Variants in TMTC4 observed in about 807,000 individuals in gnomAD.
TMTC4 encodes the protein transmembrane O-mannosyltransferase targeting cadherins 4.
Under a neutral mutation model 86.0 loss-of-function variants are expected in TMTC4, and 65 were observed. The ratio of observed to expected loss-of-function variants is 0.76; its 90% CI spans 0.62 to 0.93. The LOEUF (loss-of-function observed/expected upper bound fraction) is 0.93. Ranked by LOEUF, TMTC4 falls within the 40% of genes least tolerant of loss-of-function variation. The probability of loss-of-function intolerance (pLI) is 0.00; values close to 1 mark genes in which losing one functional copy is unlikely to be tolerated. For synonymous variants in TMTC4, 379 were observed against 382.5 expected (o/e 0.99, Z 0.11); for missense variants, 866 against 948.1 (o/e 0.91, Z 1.14).
chr13:100,661,570 CA>C (rs1885779972), intron 5 of TMTC4, among the ~76,000 whole-genome samples: 2 of 152,148 alleles, frequency 1.3e-5, no homozygotes, highest in South Asian at 4.1e-4. Context: ...CAGATCGAAA[CA>C]AAGTCTAATT....
At chr13:100,630,765 G>A (rs1881247940) in intron 12 of TMTC4, among the ~76,000 whole-genome samples, 1 of 152,010 alleles carries the variant, frequency 6.6e-6, no homozygotes, top group Non-Finnish European at 1.5e-5. Context: ...AAAAAGCCCA[G>A]ACAAAGAGTT....
At chr13:100,621,521 G>A (rs1299851847) in intron 15 of TMTC4, among the ~76,000 whole-genome samples, 2 of 152,162 alleles carry the variant, frequency 1.3e-5, no homozygotes, top group African/African-American at 2.4e-5. Flanking sequence ...CGCCTCCCGG[G>A]TTCACGCCAT....
chr13:100,630,884 A>C (rs1030325890), intron 12 of TMTC4, among the ~76,000 whole-genome samples: 1 of 152,244 alleles, frequency 6.6e-6, no homozygotes, highest in African/African-American at 2.4e-5. Context: ...CTAGTTAAAA[A>C]TCTGATACAG....
intron 2 of TMTC4, among the ~76,000 whole-genome samples, chr13:100,669,702 C>CGGTGCCTATGGTG (rs1594388397): frequency 6.6e-6 from 1 of 151,852 alleles, no homozygotes; most frequent in African/African-American, 2.4e-5. Context: ...GCCCAGTGGT[C>CGGTGCCTATGGTG]AGCGGTGCCT....
chr13:100,638,649 G>C (rs574905726), intron 7 of TMTC4: 14 of 152,366 alleles, frequency 9.2e-5, no homozygotes, highest in African/African-American at 3.4e-4. Flanking sequence ...CTGAGTTCTA[G>C]CCTTATGGAA....
chr13:100,660,429 T>C (rs533383336), intron 5 of TMTC4, among the ~76,000 whole-genome samples: 1 of 152,130 alleles, frequency 6.6e-6, no homozygotes, highest in South Asian at 2.1e-4. Context: ...AAATGTACAC[T>C]GAGACAAATG....
chr13:100,606,839 C>T (rs1876699515), intron 17 of TMTC4, among the ~76,000 whole-genome samples: 2 of 152,176 alleles, frequency 1.3e-5, no homozygotes, highest in African/African-American at 2.4e-5. Context: ...TTTCCTCTCC[C>T]CCAAGAACCT....
chr13:100,611,137 A>G (rs1394659798), intron 17 of TMTC4, among the ~76,000 whole-genome samples: 2 of 152,234 alleles, frequency 1.3e-5, no homozygotes, highest in Non-Finnish European at 2.9e-5. Context: ...CACTGGACAG[A>G]TATTAGCTAG....
intron 9 of TMTC4, 101 bp from the exon 10 acceptor site, chr13:100,636,835 C>G: frequency 8.4e-7 from 1 of 1,197,194 alleles, no homozygotes; most frequent in South Asian, 1.4e-5. Flanking sequence ...TGCTTCTGCT[C>G]AATGAAAGCA....
intron 15 of TMTC4, chr13:100,623,820 G>A: frequency 2.3e-6 from 1 of 436,224 alleles, no homozygotes; most frequent in Non-Finnish European, 4.6e-6. Context: ...GCTGGGTCTT[G>A]CCTTTGTGCG....
At chr13:100,618,880 T>C (rs887815394) in intron 15 of TMTC4, among the ~76,000 whole-genome samples, 1 of 152,190 alleles carries the variant, frequency 6.6e-6, no homozygotes, top group Non-Finnish European at 1.5e-5. Context: ...AAGTCTCCCA[T>C]GTCTACTTCT....
At position 100,638,822 on chromosome 13, in the gene TMTC4, G is replaced by A. The variant is rs543269165; in HGVS notation, c.742-800C>T. 1.0e-4 allele frequency: 16 copies of A among 152,472 alleles called. No individual in the cohort carries two copies. The East Asian group carries it at 1.2e-3, about 11-fold the overall frequency. 9.4% of individuals were successfully genotyped at this position (152,472 alleles called of 1,614,324 possible). A position where few individuals can be genotyped will look rare whatever the true frequency, so the allele number is the denominator to read the frequency against. ...GGCCTTTGCCAGGCAGGGCCGTGGTGTGGAGGACGGCCACCTCTATCAATT... is the reference window on the plus strand; with the variant it reads ...GGCCTTTGCCAGGCAGGGCCGTGGTATGGAGGACGGCCACCTCTATCAATT... On this transcript the variant is annotated intron_variant, in intron 7 of 18. Transcript: ENST00000342624.
chr13:100,657,018 T>G (rs1840387433), intron 5 of TMTC4, among the ~76,000 whole-genome samples: 1 of 152,194 alleles, frequency 6.6e-6, no homozygotes, highest in Admixed American at 6.5e-5. Context: ...CTGGATTGGT[T>G]TGAACCTGCT....
intron 6 of TMTC4, among the ~76,000 whole-genome samples, chr13:100,649,464 C>T (rs1181440316): frequency 6.6e-6 from 1 of 152,076 alleles, no homozygotes; most frequent in African/African-American, 2.4e-5. Flanking sequence ...TATTTTATTT[C>T]CAAGTGTGAG....
intron 17 of TMTC4, among the ~76,000 whole-genome samples, chr13:100,609,688 C>CACAA (rs1202778846): frequency 2.0e-5 from 3 of 151,868 alleles, no homozygotes; most frequent in Non-Finnish European, 4.4e-5. Flanking sequence ...TATACACACA[C>CACAA]ACACACACAC....
At chr13:100,655,171 G>A (rs1319645510) in intron 6 of TMTC4, among the ~76,000 whole-genome samples, 1 of 151,782 alleles carries the variant, frequency 6.6e-6, no homozygotes, top group African/African-American at 2.4e-5. Flanking sequence ...ACAGGCACAC[G>A]CCACCACACC....
At chr13:100,648,573 GT>G (rs1325394653) in intron 6 of TMTC4, among the ~76,000 whole-genome samples, 2 of 152,148 alleles carry the variant, frequency 1.3e-5, no homozygotes, top group Admixed American at 1.3e-4. Flanking sequence ...ACATTGCTAT[GT>G]TTGTATCCAG....
chr13:100,633,726 A>G (rs1224635292), intron 12 of TMTC4, among the ~76,000 whole-genome samples: 1 of 152,230 alleles, frequency 6.6e-6, no homozygotes, highest in African/African-American at 2.4e-5. Context: ...CACCTAGGCT[A>G]TGTGTGGTCT....
At chr13:100,625,335 T>C (rs997681880) in intron 15 of TMTC4, 200 bp downstream of exon 15, 5 of 688,734 alleles carry the variant, frequency 7.3e-6, no homozygotes, top group South Asian at 2.0e-5. Context: ...ACTTGACTAA[T>C]TCACACTGTA....
Sources: gnomAD v4.1 joint callset for allele counts (sites outside exome capture counted in the v4.1 genomes callset) on GRCh38, gnomAD v4.1.1 for gene constraint, MANE v1.5 for transcripts, NCBI Gene and HGNC (gene_info 2026-07-23, HGNC 2026-07-21) for gene names.